SNTG1: variants seen among roughly 807,000 people sequenced by gnomAD.
The protein encoded by SNTG1 is syntrophin gamma 1.
A neutral mutation model predicts 74.7 loss-of-function variants in SNTG1; 39 were observed. The observed-to-expected ratio is 0.52, with a 90% confidence interval of 0.40 to 0.68. The LOEUF is 0.68. Among genes scored for constraint, SNTG1 ranks in the 30% least tolerant of loss-of-function variants. SNTG1 has a pLI of 0.00. For synonymous variants in SNTG1, 254 were observed against 217.1 expected, an observed-to-expected ratio of 1.17 and a Z score of -1.49; for missense variants, 685 against 609.5, an observed-to-expected ratio of 1.12 and a Z score of -1.30.
intron 2 of SNTG1, among the ~76,000 whole-genome samples, chr8:50,225,033 T>C (rs2085256991): frequency 6.6e-6 from 1 of 151,922 alleles, no homozygotes; most frequent in African/African-American, 2.4e-5. Flanking sequence ...TGCAGTGGCG[T>C]GATCTCCACT....
chr8:50,509,848 C>A (rs2129900211), intron 9 of SNTG1, among the ~76,000 whole-genome samples: 1 of 152,256 alleles, frequency 6.6e-6, no homozygotes, highest in East Asian at 1.9e-4. Flanking sequence ...AATATACAAT[C>A]ATGTCATCTG....
chr8:50,020,259 C>T (rs762696941), intron 1 of SNTG1, among the ~76,000 whole-genome samples: 3 of 152,196 alleles, frequency 2.0e-5, no homozygotes, highest in South Asian at 2.1e-4. Flanking sequence ...GAGAAGATAA[C>T]GCTTCCCTCA....
chr8:50,147,553 A>G (rs1389081209), intron 1 of SNTG1, among the ~76,000 whole-genome samples: 1 of 152,226 alleles, frequency 6.6e-6, no homozygotes, highest in Non-Finnish European at 1.5e-5. Context: ...GGGTTACTCT[A>G]AAGAGTGACT....
chr8:50,193,539 G>T (rs2083654912), intron 2 of SNTG1, among the ~76,000 whole-genome samples: 1 of 152,114 alleles, frequency 6.6e-6, no homozygotes, highest in Non-Finnish European at 1.5e-5. Flanking sequence ...AAACTTTGCT[G>T]AATCCTTTTA....
intron 2 of SNTG1, among the ~76,000 whole-genome samples, chr8:50,227,005 A>G (rs192851692): frequency 6.6e-6 from 1 of 152,310 alleles, no homozygotes; most frequent in Admixed American, 6.5e-5. Context: ...TTCAGCACTA[A>G]TGGGTAAAGA....
At chr8:50,680,635 T>C (rs2095327205) in intron 15 of SNTG1, among the ~76,000 whole-genome samples, 1 of 152,132 alleles carries the variant, frequency 6.6e-6, no homozygotes, top group African/African-American at 2.4e-5. Context: ...CTGTCTACCA[T>C]TTCTACCAAC....
chr8:50,046,218 T>C (rs894222243), intron 1 of SNTG1, among the ~76,000 whole-genome samples: 1 of 152,202 alleles, frequency 6.6e-6, no homozygotes, highest in Non-Finnish European at 1.5e-5. Context: ...CCATAAGTAA[T>C]AGGTGACAGA....
intron 4 of SNTG1, among the ~76,000 whole-genome samples, chr8:50,414,218 G>T (rs373361116): frequency 6.6e-6 from 1 of 152,098 alleles, no homozygotes; most frequent in Admixed American, 6.6e-5. Context: ...GTTCTTTCAG[G>T]TGAAGGGGCT....
At chr8:50,448,547 C>T (rs973137315) in intron 5 of SNTG1, among the ~76,000 whole-genome samples, 1 of 152,106 alleles carries the variant, frequency 6.6e-6, no homozygotes, top group Non-Finnish European at 1.5e-5. Context: ...AAGTTCTATG[C>T]TTCTTTTTAT....
chr8:50,492,706 T>G (rs1391792712), intron 8 of SNTG1, among the ~76,000 whole-genome samples: 1 of 152,228 alleles, frequency 6.6e-6, no homozygotes, highest in Non-Finnish European at 1.5e-5. Context: ...TGATGATAGT[T>G]TCTTTGGCTG....
intron 13 of SNTG1, among the ~76,000 whole-genome samples, chr8:50,656,456 G>A (rs781541780): frequency 2.0e-4 from 30 of 152,088 alleles, no homozygotes; most frequent in African/African-American, 3.1e-4. Context: ...GTGGTGTGCC[G>A]CCCTAGTGGT....
chr8:50,656,262 G>C (rs919411501), intron 13 of SNTG1, among the ~76,000 whole-genome samples: 1 of 152,160 alleles, frequency 6.6e-6, no homozygotes, highest in South Asian at 2.1e-4. Context: ...CATAAAAAGA[G>C]GAGTGGCTCA....
intron 13 of SNTG1, among the ~76,000 whole-genome samples, chr8:50,614,317 T>C (rs2094871802): frequency 6.6e-6 from 1 of 152,086 alleles, no homozygotes; most frequent in Non-Finnish European, 1.5e-5. Context: ...AGAAAAGCAT[T>C]CAATATTAAG....
In SNTG1 at chr8:50,414,625, C is replaced by T. The variant is rs376090970; in HGVS notation, c.162+12281C>T. Among the ~76,000 whole-genome samples the T allele has an allele frequency of 4.6e-5, 7 of 151,832 alleles. No homozygotes were observed. The East Asian group carries it at 5.8e-4, about 13-fold the overall frequency. On this transcript the variant is annotated intron_variant, in intron 4 of 18. Coordinates refer to ENST00000642720, the MANE Select transcript of SNTG1 (RefSeq NM_018967.5). ...TTCTTTCCTTATTACTCTGACTGCA[C>T]GTTTGACATTATTTTTATTTATTTT...
intron 1 of SNTG1, among the ~76,000 whole-genome samples, chr8:50,018,064 A>G (rs1318038761): frequency 6.6e-6 from 1 of 152,010 alleles, no homozygotes; most frequent in Non-Finnish European, 1.5e-5. Context: ...CAATCATAAG[A>G]CTTAACATTA....
At chr8:50,324,452 C>T (rs7462415) in intron 2 of SNTG1, among the ~76,000 whole-genome samples, 124,164 of 152,114 alleles carry the variant, frequency 0.82, 53,224 homozygotes, top group East Asian at 1. Flanking sequence ...ACATGATTTT[C>T]GGTTCTTGTA....
At chr8:50,227,705 G>C (rs776586739) in intron 2 of SNTG1, among the ~76,000 whole-genome samples, 1 of 151,230 alleles carries the variant, frequency 6.6e-6, no homozygotes, top group Non-Finnish European at 1.5e-5. Context: ...TTTCCCTGAA[G>C]ACAAGTCATC....
intron 1 of SNTG1, among the ~76,000 whole-genome samples, chr8:50,154,396 A>C (rs886234838): frequency 1.3e-5 from 2 of 151,552 alleles, no homozygotes; most frequent in Non-Finnish European, 2.9e-5. Flanking sequence ...GCGATGCCTC[A>C]CCCTGCTTCG....
intron 2 of SNTG1, among the ~76,000 whole-genome samples, chr8:50,330,918 G>A (rs1414821966): frequency 6.6e-6 from 1 of 152,120 alleles, no homozygotes; most frequent in Non-Finnish European, 1.5e-5. Context: ...TGACATGTGA[G>A]GATTAACAAT....
Sources: allele counts gnomAD v4.1 joint callset (sites outside exome capture counted in the v4.1 genomes callset), GRCh38; gene constraint gnomAD v4.1.1; transcripts MANE v1.5; gene names NCBI Gene and HGNC (gene_info 2026-07-23, HGNC 2026-07-21).